The following CYTH3 variants were observed in gnomAD, a reference collection of about 807,000 sequenced individuals.
The protein encoded by CYTH3 is cytohesin-3.
CYTH3 carries 23 observed loss-of-function variants against 55.1 expected under a neutral mutation model. That is an observed-to-expected ratio of 0.42 (90% CI 0.30 to 0.59). The LOEUF (loss-of-function observed/expected upper bound fraction) is 0.59. Ranked by LOEUF, CYTH3 falls within the 20% of genes least tolerant of loss-of-function variation. CYTH3 has a pLI of 0.20. For missense variants in CYTH3, 413 were observed against 524.8 expected, an observed-to-expected ratio of 0.79 and a Z score of 2.08; for synonymous variants, 249 against 194.9, an observed-to-expected ratio of 1.28 and a Z score of -2.31.
intron 12 of CYTH3, 105 bp from the exon 13 acceptor site, chr7:6,165,121 C>A: frequency 1.9e-6 from 3 of 1,571,420 alleles, no homozygotes; most frequent in Non-Finnish European, 1.7e-6. Context: ...AGGCTCAGAT[C>A]TGAACGTCGG....
rs369691305 is a variant in CYTH3 at position 6,196,676 on chromosome 7, G to T, written c.35-6145C>A. On this transcript the variant is annotated intron_variant, in intron 1 of 12. Coordinates refer to ENST00000350796, the MANE Select transcript of CYTH3 (RefSeq NM_004227.4). The stretch of plus-strand genomic sequence containing the variant: ...GGGTTTCACCGTGTTGGCCAGGCTG[G>T]TCTCAAACTCCTGACCTCAGGTGAT... Among the ~76,000 whole-genome samples, 27 of 152,124 alleles carry T rather than the reference G, an allele frequency of 1.8e-4. No individual in the cohort carries two copies. The East Asian group carries it at 3.1e-3, about 17-fold the overall frequency.
At chr7:6,260,168 A>C (rs1780314664) in intron 1 of CYTH3, among the ~76,000 whole-genome samples, 1 of 151,910 alleles carries the variant, frequency 6.6e-6, no homozygotes. Context: ...GGGTACTTTG[A>C]CAAAACCTAC....
chr7:6,183,742 C>CCA (rs1783563958), intron 4 of CYTH3, among the ~76,000 whole-genome samples: 1 of 151,948 alleles, frequency 6.6e-6, no homozygotes, highest in African/African-American at 2.4e-5. Context: ...GTGTCCCCCC[C>CCA]ACAATTCATA....
At chr7:6,270,680 G>T (rs1225195058) in intron 1 of CYTH3, among the ~76,000 whole-genome samples, 2 of 151,970 alleles carry the variant, frequency 1.3e-5, no homozygotes, top group Non-Finnish European at 2.9e-5. Flanking sequence ...CCAATTTTTT[G>T]CTATTTTAAA....
At chr7:6,248,365 C>A (rs1179845239) in intron 1 of CYTH3, among the ~76,000 whole-genome samples, 1 of 151,422 alleles carries the variant, frequency 6.6e-6, no homozygotes, top group African/African-American at 2.4e-5. Flanking sequence ...CATATATAAA[C>A]TGCACTGCCT....
At position 6,165,253 on chromosome 7, in the gene CYTH3, G is replaced by GC; in HGVS notation, c.1127+19dup. On this transcript the variant is annotated intron_variant, in intron 12 of 12. Coordinates refer to ENST00000350796, the MANE Select transcript of CYTH3 (RefSeq NM_004227.4). Reference sequence around the variant, plus strand: ...GGCACGAGAAGACGGGCCTGGCCCCGCCCCCGAGGCCCCACTCACTTGATG... The same window carrying GC: ...GGCACGAGAAGACGGGCCTGGCCCCGCCCCCCGAGGCCCCACTCACTTGATG... 2 of 1,597,378 alleles carry GC rather than the reference G, an allele frequency of 1.3e-6. No homozygotes were observed. The highest frequency in any genetic ancestry group is 2.7e-5 in the African/African-American group (2 of 74,432).
chr7:6,218,632 C>T (rs1463637390), intron 1 of CYTH3, among the ~76,000 whole-genome samples: 2 of 152,124 alleles, frequency 1.3e-5, no homozygotes, highest in African/African-American at 2.4e-5. Flanking sequence ...TTGTAAGGGA[C>T]AGAGGCTGGA....
At chr7:6,236,200 A>T (rs1040420280) in intron 1 of CYTH3, among the ~76,000 whole-genome samples, 3 of 148,672 alleles carry the variant, frequency 2.0e-5, no homozygotes, top group Middle Eastern at 3.4e-3. Context: ...ACAGAAAATA[A>T]CCCCCCCCTT....
At position 6,171,644 on chromosome 7, in the gene CYTH3, G is replaced by A. The variant is rs531656849; in HGVS notation, c.450-330C>T. On this transcript the variant is annotated intron_variant, in intron 6 of 12. Coordinates refer to ENST00000350796, the MANE Select transcript of CYTH3 (RefSeq NM_004227.4). This position sits in a 1 kb window ranked among gnomAD's most constrained non-coding sequence, Gnocchi z 6.7. Reference sequence around the variant, plus strand: ...CCACCATCTCCTGCTGCTGCCAGGTGATCACCAGAGCCCTGCCTGTCCCGA... The same window carrying A: ...CCACCATCTCCTGCTGCTGCCAGGTAATCACCAGAGCCCTGCCTGTCCCGA... The A allele has an allele frequency of 6.6e-6, 2 of 301,480 alleles. No individual in the cohort carries two copies. The highest frequency in any genetic ancestry group is 3.4e-5 in the South Asian group (1 of 29,362). 18.7% of individuals were successfully genotyped at this position (301,480 alleles called of 1,614,324 possible).
rs202231753 is a variant in CYTH3, at chr7:6,181,651, G to C, written c.250-3710C>G. Among the ~76,000 whole-genome samples, 29 of 152,204 alleles carry C rather than the reference G, an allele frequency of 1.9e-4. 1 individual carries two copies. The East Asian group carries it at 5.4e-3, about 28-fold the overall frequency. On this transcript the variant is annotated intron_variant, in intron 4 of 12. Coordinates refer to ENST00000350796, the MANE Select transcript of CYTH3 (RefSeq NM_004227.4). The stretch of plus-strand genomic sequence containing the variant: ...ATTTGGTGGGGCCTTTGAATCTAAG[G>C]ATTTTTCTTAGTTCTAAAATATTCC...
intron 1 of CYTH3, among the ~76,000 whole-genome samples, chr7:6,227,426 AT>A (rs1373608128): frequency 3.3e-5 from 5 of 152,340 alleles, no homozygotes; most frequent in African/African-American, 1.2e-4. Flanking sequence ...GAAAAATAGC[AT>A]TTGATAAAAT....
At chr7:6,259,780 ATATAATATATATATATAT>A (rs1780265003) in intron 1 of CYTH3, among the ~76,000 whole-genome samples, 12 of 22,160 alleles carry the variant, frequency 5.4e-4, no homozygotes, top group African/African-American at 7.6e-4. Flanking sequence ...TATTATATAT[ATATAATATATATATATAT>A]ATATATATAT....
At chr7:6,232,588 G>A (rs1023414844) in intron 1 of CYTH3, among the ~76,000 whole-genome samples, 1 of 152,118 alleles carries the variant, frequency 6.6e-6, no homozygotes, top group African/African-American at 2.4e-5. Flanking sequence ...AAAAGAGTGT[G>A]ACAAGAAACA....
At chr7:6,219,983 A>C (rs1178016932) in intron 1 of CYTH3, among the ~76,000 whole-genome samples, 1 of 152,160 alleles carries the variant, frequency 6.6e-6, no homozygotes, top group Non-Finnish European at 1.5e-5. Flanking sequence ...AACAGAAGAG[A>C]GAACTCAGAA....
chr7:6,258,215 A>AG (rs896921646), intron 1 of CYTH3, among the ~76,000 whole-genome samples: 7 of 151,314 alleles, frequency 4.6e-5, no homozygotes, highest in Admixed American at 4.6e-4. Flanking sequence ...TGAGAGGCTG[A>AG]GGTGGGGGGA....
Position 6,165,861 on chromosome 7 carries a change from C to G in CYTH3, c.824-51G>C, listed in dbSNP as rs767443743. On this transcript the variant is annotated intron_variant, in intron 9 of 12. Transcript: ENST00000350796. ...CTGCGCTCCGTGCACAGGGAGCCCG[C>G]GGGTCCAAGAGGGGGCCCTGGACCT... 3.1e-6 allele frequency: 5 copies of G among 1,589,634 alleles called. No homozygotes were observed. In the South Asian group the frequency reaches 5.5e-5, roughly 18 times the overall value.
chr7:6,248,060 G>C (rs1583194950), intron 1 of CYTH3, among the ~76,000 whole-genome samples: 1 of 151,728 alleles, frequency 6.6e-6, no homozygotes, highest in African/African-American at 2.4e-5. Flanking sequence ...AGTTTATTAA[G>C]AACAGCACAA....
intron 1 of CYTH3, among the ~76,000 whole-genome samples, chr7:6,260,372 T>C (rs908648682): frequency 3.9e-5 from 6 of 152,230 alleles, no homozygotes; most frequent in African/African-American, 1.4e-4. Flanking sequence ...ATTGGTCTCC[T>C]GTGAAAACTT....
At chr7:6,181,366 T>C (rs550899106) in intron 4 of CYTH3, among the ~76,000 whole-genome samples, 74 of 152,352 alleles carry the variant, frequency 4.9e-4, no homozygotes, top group African/African-American at 1.7e-3. Flanking sequence ...AACATGTGTT[T>C]CCTCACCTTC....
Sources: allele counts gnomAD v4.1 joint callset (sites outside exome capture counted in the v4.1 genomes callset), GRCh38; gene constraint gnomAD v4.1.1; non-coding constraint Gnocchi (gnomAD v3.1); transcripts MANE v1.5; gene names NCBI Gene and HGNC (gene_info 2026-07-23, HGNC 2026-07-21).